The following TNFSF4 variants were observed in gnomAD, a reference collection of about 807,000 sequenced individuals.
The protein encoded by TNFSF4 is TNF superfamily member 4.
TNFSF4 carries 4 observed loss-of-function variants against 7.3 expected under a neutral mutation model. The observed-to-expected ratio is 0.55, with a 90% CI of 0.27 to 1.25. TNFSF4 has a LOEUF of 1.25. Ranked by LOEUF, TNFSF4 falls within the 50% of genes most tolerant of loss-of-function variation. TNFSF4 has a pLI of 0.12. For synonymous variants in TNFSF4, 76 were observed against 83.7 expected (o/e 0.91, Z 0.50); for missense variants, 181 against 208.8 (o/e 0.87, Z 0.82).
intron 1 of TNFSF4, among the ~76,000 whole-genome samples, chr1:173,201,312 C>CT (rs1390726947): frequency 6.6e-6 from 1 of 152,146 alleles, no homozygotes; most frequent in Non-Finnish European, 1.5e-5. Context: ...TAATAGGACT[C>CT]TTCCAAGGTG....
At chr1:173,217,477 A>G in the TNFSF4 span, among the ~76,000 whole-genome samples, 2 of 152,234 alleles carry the variant, frequency 1.3e-5, no homozygotes, top group African/African-American at 4.8e-5. Flanking sequence ...AGATAAATAA[A>G]TATAGGTAGA....
intron 2 of TNFSF4, 54 bp from the exon 3 acceptor site, chr1:173,186,919 C>T: frequency 8.3e-7 from 1 of 1,200,052 alleles, no homozygotes; most frequent in Non-Finnish European, 1.2e-6. Context: ...TAGAATTGGG[C>T]AACAACCTTC....
At chr1:173,247,073 T>C in the TNFSF4 span, among the ~76,000 whole-genome samples, 1 of 152,198 alleles carries the variant, frequency 6.6e-6, no homozygotes, top group Non-Finnish European at 1.5e-5. Context: ...CAGAAAAAGA[T>C]GAATAAACTC....
At chr1:173,229,226 C>T in the TNFSF4 span, among the ~76,000 whole-genome samples, 2 of 152,194 alleles carry the variant, frequency 1.3e-5, no homozygotes, top group East Asian at 1.9e-4. Context: ...AGACTAACAG[C>T]GGATCTCTCA....
At chr1:173,241,438 C>G in the TNFSF4 span, among the ~76,000 whole-genome samples, 1 of 152,178 alleles carries the variant, frequency 6.6e-6, no homozygotes, top group Non-Finnish European at 1.5e-5. Flanking sequence ...ATCCATTTGT[C>G]TTTTATCCAG....
chr1:173,372,942 C>T, the TNFSF4 span, among the ~76,000 whole-genome samples: 3 of 152,170 alleles, frequency 2.0e-5, no homozygotes, highest in African/African-American at 7.2e-5. Context: ...GAATGGGATA[C>T]GAAGGGCAGG....
rs1441857440 is a variant in TNFSF4, at chr1:173,184,789, TTGTAAA to T, written c.*1721_*1726del. On this transcript the variant is annotated 3_prime_UTR_variant, in exon 3 of 3. Transcript: ENST00000281834. The stretch of plus-strand genomic sequence containing the variant: ...TTGAATATCTGTCTCAGAATGATTC[TTGTAAA>T]TGTAAGTATTTAGCCCAGTGCCTGG... The T allele has an allele frequency of 6.6e-6, 1 of 152,292 alleles. No individual in the cohort carries two copies. The highest frequency in any genetic ancestry group is 2.1e-4 in the South Asian group (1 of 4,816). 9.4% of individuals were successfully genotyped at this position (152,292 alleles called of 1,614,324 possible).
the TNFSF4 span, among the ~76,000 whole-genome samples, chr1:173,411,473 T>C: frequency 9.4e-4 from 143 of 152,350 alleles, 2 homozygotes; most frequent in Middle Eastern, 0.017. Context: ...GGATGTCATC[T>C]TGCAGCAGAA....
chr1:173,394,531 G>A, the TNFSF4 span, among the ~76,000 whole-genome samples: 6 of 152,270 alleles, frequency 3.9e-5, no homozygotes, highest in East Asian at 1.9e-4. Flanking sequence ...TGAGATTAGC[G>A]TTTGAATCTG....
At chr1:173,442,580 C>T in the TNFSF4 span, among the ~76,000 whole-genome samples, 1 of 121,734 alleles carries the variant, frequency 8.2e-6, no homozygotes, top group East Asian at 2.7e-4. Flanking sequence ...GACAGAGTCT[C>T]GCTTTGTCGT....
chr1:173,380,667 T>C, the TNFSF4 span, among the ~76,000 whole-genome samples: 1 of 152,110 alleles, frequency 6.6e-6, no homozygotes, highest in African/African-American at 2.4e-5. Context: ...CCTCTTTCAA[T>C]CACTCTCTCG....
At chr1:173,353,750 A>G in the TNFSF4 span, among the ~76,000 whole-genome samples, 1 of 152,242 alleles carries the variant, frequency 6.6e-6, no homozygotes, top group Admixed American at 6.5e-5. Flanking sequence ...TCCTATATAA[A>G]TCATTTGTTA....
chr1:173,390,958 C>T, the TNFSF4 span, among the ~76,000 whole-genome samples: 4 of 151,840 alleles, frequency 2.6e-5, no homozygotes, highest in African/African-American at 9.7e-5. Context: ...GTTGGCCAGG[C>T]TGGTCTCAAA....
chr1:173,196,790 C>T (rs1242406636), intron 1 of TNFSF4, among the ~76,000 whole-genome samples: 1 of 152,156 alleles, frequency 6.6e-6, no homozygotes. Flanking sequence ...TCCCTTCCCA[C>T]ATACAACTGA....
At chr1:173,228,664 GA>G in the TNFSF4 span, among the ~76,000 whole-genome samples, 129 of 152,274 alleles carry the variant, frequency 8.5e-4, 1 homozygote, top group Non-Finnish European at 1.4e-3. Context: ...CCATCGCAAA[GA>G]AGCTTAAAAA....
At chr1:173,193,259 T>C (rs764913098) in intron 1 of TNFSF4, among the ~76,000 whole-genome samples, 21 of 152,000 alleles carry the variant, frequency 1.4e-4, no homozygotes, top group Non-Finnish European at 2.6e-4. Context: ...ATAGAAAATA[T>C]CAAAGGGCCA....
the TNFSF4 span, among the ~76,000 whole-genome samples, chr1:173,346,399 C>A: frequency 6.6e-6 from 1 of 152,146 alleles, no homozygotes; most frequent in Admixed American, 6.5e-5. Context: ...TCTGTACCCA[C>A]TCCCATAAAG....
At chr1:173,385,168 T>C in the TNFSF4 span, among the ~76,000 whole-genome samples, 1 of 152,344 alleles carries the variant, frequency 6.6e-6, no homozygotes, top group South Asian at 2.1e-4. Context: ...ATGAATTTTA[T>C]TGGGTTCTTG....
the TNFSF4 span, among the ~76,000 whole-genome samples, chr1:173,442,505 TTTTG>T: frequency 2.6e-5 from 4 of 152,084 alleles, no homozygotes; most frequent in African/African-American, 7.2e-5. Context: ...ACTCGGGTTT[TTTTG>T]TTTGTTTGGT....
Sources: allele counts gnomAD v4.1 joint callset (sites outside exome capture counted in the v4.1 genomes callset), GRCh38; gene constraint gnomAD v4.1.1; transcripts MANE v1.5; gene names NCBI Gene and HGNC (gene_info 2026-07-23, HGNC 2026-07-21).